The following FSTL4 variants were observed in gnomAD, a reference collection of about 807,000 sequenced individuals.
FSTL4 encodes follistatin-related protein 4.
A neutral mutation model predicts 78.2 loss-of-function variants in FSTL4; 28 were observed. That is an observed-to-expected ratio of 0.36 (90% CI 0.27 to 0.49). The LOEUF (loss-of-function observed/expected upper bound fraction) is 0.49, where lower values mean the gene tolerates loss of function less well. FSTL4 is among the 20% of genes least tolerant of loss of function. FSTL4 has a pLI of 0.98. For missense variants in FSTL4, 922 were observed against 1,084.9 expected (o/e 0.85, Z 2.11); for synonymous variants, 422 against 440.5 (o/e 0.96, Z 0.53).
intron 2 of FSTL4, among the ~76,000 whole-genome samples, chr5:133,601,307 A>G (rs1333229546): frequency 6.6e-6 from 1 of 152,244 alleles, no homozygotes; most frequent in Non-Finnish European, 1.5e-5. Context: ...TAGGCACTGT[A>G]AGGAAGAAAA....
the FSTL4 span, among the ~76,000 whole-genome samples, chr5:133,630,695 C>A: frequency 1.3e-5 from 2 of 152,122 alleles, no homozygotes; most frequent in Non-Finnish European, 2.9e-5. Flanking sequence ...CAATCCTCAA[C>A]AAAAAGAACA....
At chr5:133,767,484 G>A in the FSTL4 span, among the ~76,000 whole-genome samples, 1 of 152,202 alleles carries the variant, frequency 6.6e-6, no homozygotes, top group African/African-American at 2.4e-5. Flanking sequence ...TCCTGATTGT[G>A]GAGAGCCTTG....
chr5:133,770,083 T>G, the FSTL4 span, among the ~76,000 whole-genome samples: 1 of 152,048 alleles, frequency 6.6e-6, no homozygotes, highest in Non-Finnish European at 1.5e-5. Context: ...TGTGGGTGTG[T>G]TTGTGTGTGT....
chr5:133,560,405 T>C lies in FSTL4; in HGVS notation c.160+6781A>G, dbSNP rs114225541. Among the ~76,000 whole-genome samples, 1,290 of 152,308 alleles carry C rather than the reference T, an allele frequency of 8.5e-3. 18 individuals are homozygous for C. Among genetic ancestry groups the C allele is most frequent in the African/African-American group, 0.028 (1,156 of 41,574 alleles). On this transcript the variant is annotated intron_variant, in intron 3 of 15. Transcript: ENST00000265342. ...TTATGTTTGTCTTTAAGTCTCACTCTATCTCCCAGGTTGGAGTGCAGTGGT... is the reference window on the plus strand; with the variant it reads ...TTATGTTTGTCTTTAAGTCTCACTCCATCTCCCAGGTTGGAGTGCAGTGGT...
intron 6 of FSTL4, among the ~76,000 whole-genome samples, chr5:133,272,495 G>A (rs1752789652): frequency 6.6e-6 from 1 of 152,130 alleles, no homozygotes; most frequent in African/African-American, 2.4e-5. Flanking sequence ...AATATACACG[G>A]GCTTGTTCAT....
intron 14 of FSTL4, among the ~76,000 whole-genome samples, chr5:133,204,760 C>T (rs947163632): frequency 1.3e-5 from 2 of 148,520 alleles, no homozygotes; most frequent in Admixed American, 6.8e-5. Context: ...TGTTTGAACC[C>T]GGGAAGAGGA....
At chr5:133,556,625 G>A (rs1243808635) in intron 3 of FSTL4, among the ~76,000 whole-genome samples, 1 of 152,100 alleles carries the variant, frequency 6.6e-6, no homozygotes, top group African/African-American at 2.4e-5. Flanking sequence ...TACTCTGGAG[G>A]CTGAGGAAAG....
intron 2 of FSTL4, among the ~76,000 whole-genome samples, chr5:133,581,947 T>C (rs576642390): frequency 7.2e-4 from 109 of 152,374 alleles, no homozygotes; most frequent in Non-Finnish European, 1.4e-3. Flanking sequence ...GCCAGTGGGC[T>C]GGCAGGGTTC....
chr5:133,512,692 T>C (rs1328037826), intron 3 of FSTL4, among the ~76,000 whole-genome samples: 1 of 152,242 alleles, frequency 6.6e-6, no homozygotes, highest in Non-Finnish European at 1.5e-5. Context: ...CATATGTATA[T>C]ACCCAGATAC....
intron 12 of FSTL4, 71 bp downstream of exon 12, chr5:133,220,677 C>G: frequency 1.2e-6 from 1 of 843,276 alleles, no homozygotes; most frequent in Middle Eastern, 2.2e-4. Context: ...AATGGCATGC[C>G]TGGTTAAAGA....
chr5:133,664,884 C>G, the FSTL4 span, among the ~76,000 whole-genome samples: 1 of 152,136 alleles, frequency 6.6e-6, no homozygotes, highest in African/African-American at 2.4e-5. Flanking sequence ...GAATGTGGTT[C>G]TTTCTATTGA....
At chr5:133,775,383 TG>T in the FSTL4 span, among the ~76,000 whole-genome samples, 2 of 152,212 alleles carry the variant, frequency 1.3e-5, no homozygotes, top group Non-Finnish European at 2.9e-5. Flanking sequence ...CACCAGATCA[TG>T]GGACACCAAT....
At chr5:133,697,700 G>A in the FSTL4 span, among the ~76,000 whole-genome samples, 10 of 152,208 alleles carry the variant, frequency 6.6e-5, no homozygotes, top group African/African-American at 1.7e-4. Flanking sequence ...TGCAGGCTCT[G>A]GCCCTCAGAG....
chr5:133,782,961 G>T, the FSTL4 span, among the ~76,000 whole-genome samples: 146 of 152,338 alleles, frequency 9.6e-4, no homozygotes, highest in African/African-American at 3.3e-3. Context: ...GCAGGTGGCG[G>T]CCTAGGGGAT....
intron 3 of FSTL4, among the ~76,000 whole-genome samples, chr5:133,485,208 C>T (rs149270571): frequency 1.3e-4 from 20 of 152,304 alleles, no homozygotes; most frequent in South Asian, 8.3e-4. Flanking sequence ...CTTCAGCAGC[C>T]GCTGCTGTAG....
chr5:133,841,513 C>G, the FSTL4 span, among the ~76,000 whole-genome samples: 1 of 152,190 alleles, frequency 6.6e-6, no homozygotes, highest in African/African-American at 2.4e-5. Flanking sequence ...CCATATTGAC[C>G]ACCTACTATG....
intron 3 of FSTL4, among the ~76,000 whole-genome samples, chr5:133,500,809 A>T (rs1055312423): frequency 1.3e-5 from 2 of 152,226 alleles, no homozygotes; most frequent in Non-Finnish European, 2.9e-5. Flanking sequence ...GTAGATGATC[A>T]TATAATAATT....
chr5:133,334,000 C>A (rs148173569), intron 4 of FSTL4: 1 of 152,268 alleles, frequency 6.6e-6, no homozygotes, highest in Non-Finnish European at 1.5e-5. Context: ...ACCCAGGTCC[C>A]GAGGTCTCAC....
At chr5:133,729,330 G>A in the FSTL4 span, among the ~76,000 whole-genome samples, 1 of 152,120 alleles carries the variant, frequency 6.6e-6, no homozygotes, top group African/African-American at 2.4e-5. Context: ...TTGAATCCTG[G>A]CTTGACCAAT....
Sources: gnomAD v4.1 joint callset for allele counts (sites outside exome capture counted in the v4.1 genomes callset) on GRCh38, gnomAD v4.1.1 for gene constraint, MANE v1.5 for transcripts, NCBI Gene and HGNC (gene_info 2026-07-23, HGNC 2026-07-21) for gene names.